The following C1QTNF12 variants were observed in gnomAD, a reference collection of about 807,000 sequenced individuals.
The protein encoded by C1QTNF12 is C1q and TNF related 12.
In C1QTNF12, 39 loss-of-function variants were observed where a neutral mutation model predicts 34.3. The ratio of observed to expected loss-of-function variants is 1.14; its 90% CI spans 0.88 to 1.49. C1QTNF12 has a LOEUF of 1.49. Among genes scored for constraint, C1QTNF12 ranks in the 40% most tolerant of loss-of-function variants. The pLI is 0.00. For synonymous variants in C1QTNF12, 220 were observed against 196.9 expected (o/e 1.12, Z -0.98); for missense variants, 497 against 424.7 (o/e 1.17, Z -1.50).
intron 4 of C1QTNF12, 88 bp from the exon 5 acceptor site, chr1:1,243,640 C>A: frequency 8.8e-7 from 1 of 1,135,492 alleles, no homozygotes; most frequent in South Asian, 1.4e-5. Context: ...CAACCGACAG[C>A]CCCTCACTCG....
In C1QTNF12 at chr1:1,246,379, G is replaced by T; in HGVS notation, c.177+135C>A. The stretch of plus-strand genomic sequence containing the variant: ...TGGGCTGCAGCAGATTCTCAAGGCG[G>T]GACCGTGGCCGAGGCCTCGAAAAGG... On this transcript the variant is annotated intron_variant, in intron 1 of 7. Coordinates refer to ENST00000330388, the MANE Select transcript of C1QTNF12 (RefSeq NM_001014980.3). The surrounding 1 kb of genome is among the most constrained non-coding windows in gnomAD (Gnocchi z 4.5). 1.4e-6 allele frequency: 1 copy of T among 694,054 alleles called. No individual in the cohort carries two copies. 43.0% of individuals were successfully genotyped at this position (694,054 alleles called of 1,614,324 possible).
intron 7 of C1QTNF12, 94 bp from the exon 8 acceptor site, chr1:1,242,740 G>A (rs1275569002): frequency 6.4e-7 from 1 of 1,556,128 alleles, no homozygotes. Context: ...GAGGTGCCGA[G>A]GCCCCAGAGG....
chr1:1,242,931 GGGCAAGAGGGAGGC>G lies in C1QTNF12; in HGVS notation c.732-32_732-19del, dbSNP rs1305707858. On this transcript the variant is annotated intron_variant, in intron 6 of 7. Transcript: ENST00000330388. Reference sequence around the variant, plus strand: ...CCAGGCACCTGAACACAGCCCCACAGGGCAAGAGGGAGGCGTTGCAGGTCCAGGGGGCCAAGACC... The same window carrying G: ...CCAGGCACCTGAACACAGCCCCACAGGTTGCAGGTCCAGGGGGCCAAGACC... The G allele has an allele frequency of 9.3e-6, 15 of 1,610,480 alleles. No homozygotes were observed. The highest frequency in any genetic ancestry group is 1.3e-5 in the Non-Finnish European group (15 of 1,178,932).
Position 1,243,460 on chromosome 1 carries a change from A to G in C1QTNF12, c.624T>C (p.Ser208=). Residue 208 remains serine (S), a synonymous_variant, in exon 5 of 8, where the codon TCT becomes TCC. Transcript: ENST00000330388. ...CCGGCTCACCCACGTGCAGACTGGC[A>G]GAGAACTGGAAGATGCCGGACACGG... ...TAPVSGIFQF[S]ASLHVDHSEL... 6.4e-7 allele frequency: 1 copy of G among 1,557,158 alleles called. No homozygotes were observed. Among genetic ancestry groups the G allele is most frequent in the South Asian group, 1.2e-5 (1 of 84,810 alleles).
intron 5 of C1QTNF12, 141 bp downstream of exon 5, chr1:1,243,303 C>T: frequency 2.0e-6 from 2 of 1,008,388 alleles, no homozygotes; most frequent in Admixed American, 4.7e-5. Context: ...AGCAGGGACC[C>T]CATGCCCAGT....
At position 1,244,367 on chromosome 1, in the gene C1QTNF12, C is replaced by T. The variant is rs139237071; in HGVS notation, c.294+14G>A. On this transcript the variant is annotated intron_variant, in intron 2 of 7. Coordinates refer to ENST00000330388, the MANE Select transcript of C1QTNF12 (RefSeq NM_001014980.3). Reference sequence around the variant, plus strand: ...CCGGGGCTCAGACCCTGCAGCAGCCCGGGCGGGGCTCACCGGCTTCTTGTC... The same window carrying T: ...CCGGGGCTCAGACCCTGCAGCAGCCTGGGCGGGGCTCACCGGCTTCTTGTC... 22,421 of 1,608,916 alleles carry T rather than the reference C, an allele frequency of 0.014. 197 individuals carry two copies. The highest frequency in any genetic ancestry group is 0.016 in the Non-Finnish European group (19,340 of 1,177,092).
At position 1,242,543 on chromosome 1, in the gene C1QTNF12, C is replaced by T. The variant is rs369094836; in HGVS notation, c.*5G>A. 1.4e-5 allele frequency: 21 copies of T among 1,555,500 alleles called. No individual in the cohort carries two copies. The highest frequency in any genetic ancestry group is 8.3e-5 in the South Asian group (7 of 84,686). The stretch of plus-strand genomic sequence containing the variant: ...GCAGCTCCTCGCCAGCCCCCCTGGG[C>T]GCCCTCACGTGCCCAGGAGCAGCCC... On this transcript the variant is annotated 3_prime_UTR_variant, in exon 8 of 8. Coordinates refer to ENST00000330388, the MANE Select transcript of C1QTNF12 (RefSeq NM_001014980.3).
At position 1,244,422 on chromosome 1, in the gene C1QTNF12, C is replaced by A. The variant is rs374551470; in HGVS notation, c.253G>T (p.Gly85Cys). The A allele has an allele frequency of 1.1e-5, 17 of 1,611,880 alleles. No individual in the cohort carries two copies. Among genetic ancestry groups the A allele is most frequent in the Non-Finnish European group, 1.4e-5 (17 of 1,179,528 alleles). The change falls in exon 2 of 8, where the codon GGC becomes TGC. Residue 85 changes from glycine to cysteine, a missense_variant. Gly to Cys is a radical substitution (Grantham distance 159). Transcript: ENST00000330388. ...CTTCCGCACCGCTTCCTTAAGGCGC[C>A]GTCGTCCGGCCGCCGGACAAAGTTC... Reference protein sequence around the residue: ...WLNFVRRPDDGALRKRCGSRD... With the variant: ...WLNFVRRPDDCALRKRCGSRD...
In C1QTNF12 at chr1:1,243,190, G is replaced by C. The variant is rs778200728; in HGVS notation, c.641-38C>G. On this transcript the variant is annotated intron_variant, in intron 5 of 7. Coordinates refer to ENST00000330388, the MANE Select transcript of C1QTNF12 (RefSeq NM_001014980.3). ...CCCTGGGGAGGGTGGTGCATGGGGG[G>C]CGGGGTGGGGGCTGGTGGGGAGGGG... 2.1e-4 allele frequency: 211 copies of C among 1,003,604 alleles called. No homozygotes were observed. In the East Asian group the frequency reaches 5.3e-3, roughly 25 times the overall value. 62.2% of individuals were successfully genotyped at this position (1,003,604 alleles called of 1,614,324 possible).
chr1:1,242,568 C>T lies in C1QTNF12; in HGVS notation c.889G>A (p.Gly297Arg), dbSNP rs761390987. Residue 297 changes from glycine (G) to arginine (R), a missense_variant, in exon 8 of 8, where the codon GGG becomes AGG. Physicochemically the swap from Gly to Arg is moderately radical, Grantham distance 125. Transcript: ENST00000330388. ...CGCCCTCACGTGCCCAGGAGCAGCC[C>T]GGAGAAGCTGGAGCCCGCCTGGATG... The part of the protein sequence containing the change: ...LTIQAGSSFS[G>R]LLLGT 1.3e-4 allele frequency: 211 copies of T among 1,577,574 alleles called. No homozygotes were observed. Among genetic ancestry groups the T allele is most frequent in the Middle Eastern group, 1.0e-3 (6 of 6,026 alleles).
At position 1,244,208 on chromosome 1, in the gene C1QTNF12, A is replaced by G; in HGVS notation, c.362T>C (p.Phe121Ser). The change falls in exon 3 of 8, where the codon TTT becomes TCT. Residue 121 changes from phenylalanine (F) to serine (S), a missense_variant. Physicochemically the swap from Phe to Ser is radical, Grantham distance 155 (BLOSUM62 -2). Transcript: ENST00000330388. ...CGGCTGACCTTTCAGCAGCTCCTGA[A>G]ACTCGTGAAGCAGAGTCTCCGCGGT... ...EVTAETLLHEFQELLKEATER... is the reference protein window; with the variant it reads ...EVTAETLLHESQELLKEATER... 6.3e-7 allele frequency: 1 copy of G among 1,592,342 alleles called. No homozygotes were observed. Among genetic ancestry groups the G allele is most frequent in the Non-Finnish European group, 8.6e-7 (1 of 1,169,366 alleles).
At chr1:1,245,435 C>G (rs1638870370) in intron 1 of C1QTNF12, among the ~76,000 whole-genome samples, 1 of 150,102 alleles carries the variant, frequency 6.7e-6, no homozygotes, top group African/African-American at 2.5e-5. Context: ...GCAGGAGAAC[C>G]GCCCAACCCT....
Position 1,246,617 on chromosome 1 carries a change from G to A in C1QTNF12, c.74C>T (p.Ala25Val), listed in dbSNP as rs951057868. The A allele has an allele frequency of 1.6e-6, 2 of 1,244,534 alleles. No individual in the cohort carries two copies. The highest frequency in any genetic ancestry group is 2.0e-6 in the Non-Finnish European group (2 of 994,794). 77.1% of individuals were successfully genotyped at this position (1,244,534 alleles called of 1,614,324 possible). ...CTGCGTCCTCTGTGCCTCCCGCCGG[G>A]CCCCGACGCCCCCGAGGAGCACGAG... ...PQLVLLGGVG[A>V]RREAQRTQQP... Residue 25 changes from alanine to valine, a missense_variant, in exon 1 of 8, where the codon GCC (alanine) becomes GTC (valine). Ala to Val is a moderately conservative substitution (Grantham distance 64). Coordinates refer to ENST00000330388, the MANE Select transcript of C1QTNF12 (RefSeq NM_001014980.3). The surrounding 1 kb of genome is among the most constrained non-coding windows in gnomAD (Gnocchi z 4.5).
chr1:1,244,749 TCCTCCCCCC>T (rs1638840105), intron 1 of C1QTNF12: 2 of 276,922 alleles, frequency 7.2e-6, no homozygotes, highest in African/African-American at 8.6e-5. Flanking sequence ...CTCCTCCCCC[TCCTCCCCCC>T]ACTCCTCATC....
rs572845367 is a variant in C1QTNF12, at chr1:1,244,513, G to T, written c.178-16C>A. The T allele has an allele frequency of 6.3e-7, 1 of 1,578,888 alleles. No homozygotes were observed. Among genetic ancestry groups the T allele is most frequent in the South Asian group, 1.1e-5 (1 of 90,408 alleles). On this transcript the variant is annotated splice_polypyrimidine_tract_variant and intron_variant, in intron 1 of 7. Transcript: ENST00000330388. ...CCTGGGATGGCTGAAGGGACGGGAC[G>T]GGGCTAGCGCACTGAGGCTGCACCC...
rs74511182 is a variant in C1QTNF12 at position 1,242,864 on chromosome 1, G to C, written c.781C>G (p.Leu261Val). Residue 261 changes from leucine to valine, a missense_variant, in exon 7 of 8, where the codon CTA becomes GTA. Coordinates refer to ENST00000330388, the MANE Select transcript of C1QTNF12 (RefSeq NM_001014980.3). ...AGCTGCAGCAGCCCCTGCACCTGTA[G>C]CGTGAAGACCCTGCTGTTGCTCTCC... ...GLESNSRVFT[L>V]QVQGLLQLQA... 4.7e-3 allele frequency: 7,610 copies of C among 1,612,406 alleles called. 335 individuals carry two copies. The African/African-American group carries it at 0.091, about 19-fold the overall frequency.
At position 1,246,378 on chromosome 1, in the gene C1QTNF12, G is replaced by A; in HGVS notation, c.177+136C>T. The A allele has an allele frequency of 4.4e-6, 3 of 684,098 alleles. No individual in the cohort carries two copies. The highest frequency in any genetic ancestry group is 6.1e-6 in the Non-Finnish European group (3 of 489,500). The allele number at this position is 684,098 out of a possible 1,614,324, so 42.4% of individuals were successfully genotyped here. On this transcript the variant is annotated intron_variant, in intron 1 of 7. Transcript: ENST00000330388. This position sits in a 1 kb window ranked among gnomAD's most constrained non-coding sequence, Gnocchi z 4.5. ...CTGGGCTGCAGCAGATTCTCAAGGC[G>A]GGACCGTGGCCGAGGCCTCGAAAAG...
chr1:1,245,494 G>A (rs532048616), intron 1 of C1QTNF12, among the ~76,000 whole-genome samples: 4 of 151,182 alleles, frequency 2.6e-5, no homozygotes, highest in Admixed American at 6.6e-5. Context: ...CCCTCCAGCC[G>A]GCACCCTTTG....
At chr1:1,243,840 G>A (rs551827858) in intron 4 of C1QTNF12, 114 bp downstream of exon 4, 7 of 508,094 alleles carry the variant, frequency 1.4e-5, no homozygotes, top group African/African-American at 6.2e-5. Context: ...TCCGAGCCCC[G>A]CCCCCAGCCC....
Sources: gnomAD v4.1 joint callset for allele counts (sites outside exome capture counted in the v4.1 genomes callset) on GRCh38, gnomAD v4.1.1 for gene constraint, Gnocchi (gnomAD v3.1) non-coding constraint, MANE v1.5 for transcripts, NCBI Gene and HGNC (gene_info 2026-07-23, HGNC 2026-07-21) for gene names.